ZSCAN29: variants seen among roughly 807,000 people sequenced by gnomAD.
ZSCAN29 encodes zinc finger and SCAN domain containing 29, also known as zinc finger and SCAN domain-containing protein 29.
A neutral mutation model predicts 71.9 loss-of-function variants in ZSCAN29; 55 were observed. That is an observed-to-expected ratio of 0.76 (90% CI 0.62 to 0.96). The LOEUF (loss-of-function observed/expected upper bound fraction) is 0.96. Among genes scored for constraint, ZSCAN29 ranks in the 40% least tolerant of loss-of-function variants. The pLI is 0.00. For missense variants in ZSCAN29, 1,042 were observed against 1,042.2 expected (o/e 1.00, Z 0.00); for synonymous variants, 351 against 371.6 (o/e 0.94, Z 0.64).
intron 4 of ZSCAN29, 144 bp downstream of exon 4, chr15:43,365,966 T>A: frequency 1.4e-6 from 1 of 735,304 alleles, no homozygotes; most frequent in Non-Finnish European, 2.2e-6. Flanking sequence ...TAAAAGAGAA[T>A]GAAATACACA....
At position 43,366,140 on chromosome 15, in the gene ZSCAN29, C is replaced by G. The variant is rs754376278; in HGVS notation, c.1192G>C (p.Ala398Pro). 17 of 1,613,146 alleles carry G rather than the reference C, an allele frequency of 1.1e-5. No homozygotes were observed. In the South Asian group the frequency reaches 1.2e-4, roughly 11 times the overall value. The change falls in exon 4 of 6, where the codon GCT becomes CCT. Residue 398 changes from alanine to proline, a missense_variant. Coordinates refer to ENST00000684362, the MANE Select transcript of ZSCAN29 (RefSeq NM_001372080.1). ...LEATPQDPNS[A>P]APVVFRSPGG... Reference sequence around the variant, plus strand: ...GGGCTTCTGAACACAACAGGTGCAGCTGAGTTGGGGTCCTGGGGGGTCGCC... The same window carrying G: ...GGGCTTCTGAACACAACAGGTGCAGGTGAGTTGGGGTCCTGGGGGGTCGCC...
At position 43,358,398 on chromosome 15, in the gene ZSCAN29, A is replaced by G. The variant is rs1358119791; in HGVS notation, c.*2675T>C. 6.6e-6 allele frequency: 1 copy of G among 152,120 alleles called. No homozygotes were observed. The highest frequency in any genetic ancestry group is 2.4e-5 in the African/African-American group (1 of 41,394). 9.4% of individuals were successfully genotyped at this position (152,120 alleles called of 1,614,324 possible). ...TTTGACATTACAGCACACTTCCTAAATCATCTGAGATCCTGAGGCACTGCT... is the reference window on the plus strand; with the variant it reads ...TTTGACATTACAGCACACTTCCTAAGTCATCTGAGATCCTGAGGCACTGCT... On this transcript the variant is annotated 3_prime_UTR_variant, in exon 6 of 6. Transcript: ENST00000684362.
At chr15:43,362,953 A>T (rs997942625) in intron 5 of ZSCAN29, among the ~76,000 whole-genome samples, 1 of 151,992 alleles carries the variant, frequency 6.6e-6, no homozygotes, top group African/African-American at 2.4e-5. Flanking sequence ...CAACCCTATG[A>T]GGTAGGTCTT....
chr15:43,367,570 A>G (rs925896032), intron 3 of ZSCAN29, among the ~76,000 whole-genome samples: 2 of 152,206 alleles, frequency 1.3e-5, no homozygotes, highest in African/African-American at 4.8e-5. Context: ...CACTCTGACA[A>G]ACCCATACGG....
Position 43,366,748 on chromosome 15 carries a change from G to A in ZSCAN29, c.584C>T (p.Pro195Leu). The A allele has an allele frequency of 6.2e-7, 1 of 1,614,198 alleles. No homozygotes were observed. Among genetic ancestry groups the A allele is most frequent in the Non-Finnish European group, 8.5e-7 (1 of 1,180,038 alleles). ...TTTCTCCTTAGAGCCCAGCAGATCTGGGATCCATGGCTCTCCTTGCTCCAA... is the reference window on the plus strand; with the variant it reads ...TTTCTCCTTAGAGCCCAGCAGATCTAGGATCCATGGCTCTCCTTGCTCCAA... The part of the protein sequence containing the change: ...SRLEQGEPWI[P>L]DLLGSKEKEL... Residue 195 changes from proline to leucine, a missense_variant, in exon 4 of 6, where the codon CCA becomes CTA. Physicochemically the swap from Pro to Leu is moderately conservative, Grantham distance 98. Coordinates refer to ENST00000684362, the MANE Select transcript of ZSCAN29 (RefSeq NM_001372080.1).
rs1459497761 is a variant in ZSCAN29, at chr15:43,366,354, C to A, written c.978G>T (p.Glu326Asp). The A allele has an allele frequency of 6.2e-7, 1 of 1,613,898 alleles. No homozygotes were observed. The highest frequency in any genetic ancestry group is 8.5e-7 in the Non-Finnish European group (1 of 1,180,034). ...CCTGAGCACTCATCAGGGCTTCCATCTCTTCAAAGAAGGGGCAGGTCTCAG... is the reference window on the plus strand; with the variant it reads ...CCTGAGCACTCATCAGGGCTTCCATATCTTCAAAGAAGGGGCAGGTCTCAG... ...HPPETCPFFE[E>D]MEALMSAQVI... The change falls in exon 4 of 6, where the codon GAG (glutamate) becomes GAT (aspartate). Residue 326 changes from glutamate (E) to aspartate (D), a missense_variant. Physicochemically the swap from Glu to Asp is conservative, Grantham distance 45. Coordinates refer to ENST00000684362, the MANE Select transcript of ZSCAN29 (RefSeq NM_001372080.1).
At position 43,358,306 on chromosome 15, in the gene ZSCAN29, T is replaced by TA. The variant is rs147841287; in HGVS notation, c.*2766dup. 134 of 152,560 alleles carry TA rather than the reference T, an allele frequency of 8.8e-4. 2 individuals are homozygous for TA. In the East Asian group the frequency reaches 0.024, roughly 28 times the overall value. 9.5% of individuals were successfully genotyped at this position (152,560 alleles called of 1,614,324 possible). ...CATCTGGAACCAGAATATCTGTTGA[T>TA]ACCACAACCAATGCTTTTCCCACGA... On this transcript the variant is annotated 3_prime_UTR_variant, in exon 6 of 6. Coordinates refer to ENST00000684362, the MANE Select transcript of ZSCAN29 (RefSeq NM_001372080.1).
chr15:43,368,772 A>T, intron 3 of ZSCAN29, 151 bp downstream of exon 3: 1 of 655,142 alleles, frequency 1.5e-6, no homozygotes, highest in Non-Finnish European at 2.6e-6. Flanking sequence ...ATCAAGAGGT[A>T]ATATGAATAC....
rs2044014850 is a variant in ZSCAN29 at position 43,364,320 on chromosome 15, A to G, written c.1285T>C (p.Tyr429His). Residue 429 changes from tyrosine to histidine, a missense_variant, in exon 5 of 6, where the codon TAT (tyrosine) becomes CAT (histidine). By Grantham distance (83) the Tyr-to-His change is moderately conservative (BLOSUM62 2). Coordinates refer to ENST00000684362, the MANE Select transcript of ZSCAN29 (RefSeq NM_001372080.1). ...CGGTGACAGTTCCGGAGGGCTTCAT[A>G]AAACTGGGTCTCACTAAGAATTGCA... Reference protein sequence around the residue: ...YLAILSETQFYEALRNCHRNS... With the variant: ...YLAILSETQFHEALRNCHRNS... 6.2e-7 allele frequency: 1 copy of G among 1,614,194 alleles called. No individual in the cohort carries two copies. Among genetic ancestry groups the G allele is most frequent in the African/African-American group, 1.3e-5 (1 of 75,064 alleles).
In ZSCAN29 at chr15:43,363,878, C is replaced by G. The variant is rs866244005; in HGVS notation, c.1690+37G>C. 15 of 1,528,934 alleles carry G rather than the reference C, an allele frequency of 9.8e-6. 1 individual carries two copies. In the Middle Eastern group the frequency reaches 2.7e-3, roughly 280 times the overall value. 94.7% of individuals were successfully genotyped at this position (1,528,934 alleles called of 1,614,324 possible). Reference sequence around the variant, plus strand: ...TTTTTCCTAAGTCCCATTGTCTTCCCTTTGTTATTTATACCATAATAGTGA... The same window carrying G: ...TTTTTCCTAAGTCCCATTGTCTTCCGTTTGTTATTTATACCATAATAGTGA... On this transcript the variant is annotated intron_variant, in intron 5 of 5. Transcript: ENST00000684362.
At position 43,366,268 on chromosome 15, in the gene ZSCAN29, C is replaced by T; in HGVS notation, c.1064G>A (p.Ser355Asn). The T allele has an allele frequency of 6.2e-7, 1 of 1,613,466 alleles. No homozygotes were observed. Among genetic ancestry groups the T allele is most frequent in the Non-Finnish European group, 8.5e-7 (1 of 1,180,030 alleles). Residue 355 changes from serine (S) to asparagine (N), a missense_variant, in exon 4 of 6, where the codon AGC (serine) becomes AAC (asparagine). Coordinates refer to ENST00000684362, the MANE Select transcript of ZSCAN29 (RefSeq NM_001372080.1). ...CCCTGGCTCTTCAGTCTCAGCATCGCTGCCTACCAGGCCAGAGTGAGAGGC... is the reference window on the plus strand; with the variant it reads ...CCCTGGCTCTTCAGTCTCAGCATCGTTGCCTACCAGGCCAGAGTGAGAGGC... ...AAASHSGLVGSDAETEEPGQR... is the reference protein window; with the variant it reads ...AAASHSGLVGNDAETEEPGQR...
chr15:43,366,652 C>A lies in ZSCAN29; in HGVS notation c.680G>T (p.Arg227Ile). 1 of 1,614,226 alleles carries A rather than the reference C, an allele frequency of 6.2e-7. No homozygotes were observed. The highest frequency in any genetic ancestry group is 8.5e-7 in the Non-Finnish European group (1 of 1,180,034). Residue 227 changes from arginine to isoleucine, a missense_variant, in exon 4 of 6, where the codon AGA becomes ATA. Transcript: ENST00000684362. ...GTGATCCTGTTCCACCCAGCTTCTT[C>A]TATCTTTCTTGGATGGTAACAGATC... ...HADLLPSKKDRRSWVEQDHWS... is the reference protein window; with the variant it reads ...HADLLPSKKDIRSWVEQDHWS...
In ZSCAN29 at chr15:43,364,006, T is replaced by C; in HGVS notation, c.1599A>G (p.Thr533=). ...CTTCATCATCATCAGAATCTTCCTC[T>C]GTGGCCTCGTCTGCTTCCTCAGCTT... ...QKQAEEADEA[T]EEDSDDDEED... Residue 533 remains threonine, a synonymous_variant, in exon 5 of 6, where the codon ACA becomes ACG. Coordinates refer to ENST00000684362, the MANE Select transcript of ZSCAN29 (RefSeq NM_001372080.1). The C allele has an allele frequency of 1.2e-6, 2 of 1,614,244 alleles. No individual in the cohort carries two copies. The highest frequency in any genetic ancestry group is 1.7e-6 in the Non-Finnish European group (2 of 1,180,038).
intron 4 of ZSCAN29, among the ~76,000 whole-genome samples, chr15:43,365,392 TAAAC>T (rs1388931794): frequency 6.6e-6 from 1 of 152,230 alleles, no homozygotes; most frequent in African/African-American, 2.4e-5. Flanking sequence ...AATAGAGTGT[TAAAC>T]AAGCTTTCTC....
rs1055360301 is a variant in ZSCAN29, at chr15:43,361,077, T to C, written c.2555A>G (p.Lys852Arg). 3 of 1,593,594 alleles carry C rather than the reference T, an allele frequency of 1.9e-6. No individual in the cohort carries two copies. The highest frequency in any genetic ancestry group is 1.3e-5 in the African/African-American group (1 of 74,202). ...REKLLTQSAP[K>R] is the part of the protein sequence containing the mutation. Reference sequence around the variant, plus strand: ...CCGTTATATATCCTCAGGGGCTTACTTGGGAGCTGACTGTGTCAGAAGCTT... The same window carrying C: ...CCGTTATATATCCTCAGGGGCTTACCTGGGAGCTGACTGTGTCAGAAGCTT... The change falls in exon 6 of 6, where the codon AAG (lysine) becomes AGG (arginine). Residue 852 changes from lysine (K) to arginine (R), a missense_variant. Coordinates refer to ENST00000684362, the MANE Select transcript of ZSCAN29 (RefSeq NM_001372080.1).
intron 5 of ZSCAN29, among the ~76,000 whole-genome samples, chr15:43,362,322 T>C (rs1020681034): frequency 2.0e-5 from 3 of 152,226 alleles, no homozygotes; most frequent in Non-Finnish European, 2.9e-5. Flanking sequence ...AGTATTCTTA[T>C]TCATGTTCTT....
At chr15:43,364,892 C>CAAA (rs57976198) in intron 4 of ZSCAN29, among the ~76,000 whole-genome samples, 8 of 38,890 alleles carry the variant, frequency 2.1e-4, no homozygotes, top group East Asian at 7.9e-4. Flanking sequence ...GACTCTGTCT[C>CAAA]AAAAAAAAAA....
Position 43,361,308 on chromosome 15 carries a change from G to A in ZSCAN29, c.2324C>T (p.Ser775Phe), listed in dbSNP as rs2043976516. ...TATCCTCCGATGTGCACTAAAATGAGAACTGTTATTGAAGCTTTTTCCACA... is the reference window on the plus strand; with the variant it reads ...TATCCTCCGATGTGCACTAAAATGAAAACTGTTATTGAAGCTTTTTCCACA... ...EECGKSFNNSSHFSAHRRIHT... is the reference protein window; with the variant it reads ...EECGKSFNNSFHFSAHRRIHT... Residue 775 changes from serine (S) to phenylalanine (F), a missense_variant, in exon 6 of 6, where the codon TCT (serine) becomes TTT (phenylalanine). Transcript: ENST00000684362. 6.2e-7 allele frequency: 1 copy of A among 1,614,050 alleles called. No homozygotes were observed. Among genetic ancestry groups the A allele is most frequent in the South Asian group, 1.1e-5 (1 of 91,084 alleles).
Position 43,369,596 on chromosome 15 carries a change from C to A in ZSCAN29, c.318G>T (p.Ser106=). 6.2e-7 allele frequency: 1 copy of A among 1,609,354 alleles called. No individual in the cohort carries two copies. The highest frequency in any genetic ancestry group is 8.5e-7 in the Non-Finnish European group (1 of 1,176,718). Residue 106 remains serine, a splice_region_variant and synonymous_variant, in exon 2 of 6, where the codon TCG becomes TCT. Coordinates refer to ENST00000684362, the MANE Select transcript of ZSCAN29 (RefSeq NM_001372080.1). ...LEREPGRPRS[S]VTVSVKGQEV... ...ATTTGAATTCCCCCTCCCTTCTCACCGAAGATCTAGGTCTTCCAGGCTCTC... is the reference window on the plus strand; with the variant it reads ...ATTTGAATTCCCCCTCCCTTCTCACAGAAGATCTAGGTCTTCCAGGCTCTC...
Sources: allele counts gnomAD v4.1 joint callset (sites outside exome capture counted in the v4.1 genomes callset), GRCh38; gene constraint gnomAD v4.1.1; transcripts MANE v1.5; gene names NCBI Gene and HGNC (gene_info 2026-07-23, HGNC 2026-07-21).